Variants in JMJD1C observed in about 807,000 individuals in gnomAD.
JMJD1C encodes the protein jumonji domain containing 1C.
Under a neutral mutation model 245.3 loss-of-function variants are expected in JMJD1C, and 31 were observed. The observed-to-expected ratio is 0.13, with a 90% CI of 0.09 to 0.17. The LOEUF is 0.17. JMJD1C is among the 10% of genes least tolerant of loss of function. JMJD1C has a pLI of 1.00. For missense variants in JMJD1C, 2,691 were observed against 3,000.2 expected, an observed-to-expected ratio of 0.90 and a Z score of 2.41; for synonymous variants, 1,057 against 1,017.4, an observed-to-expected ratio of 1.04 and a Z score of -0.74.
chr10:63,427,356 C>A, intron 1 of JMJD1C: 1 of 1,036,244 alleles, frequency 9.7e-7, no homozygotes, highest in East Asian at 3.3e-5. Flanking sequence ...AAGTGTTCAC[C>A]GCCTTCTGGC....
intron 1 of JMJD1C, among the ~76,000 whole-genome samples, chr10:63,482,270 A>G (rs1308667493): frequency 6.6e-6 from 1 of 152,216 alleles, no homozygotes; most frequent in Non-Finnish European, 1.5e-5. Context: ...TCTAGAGACA[A>G]GTAAATAATC....
chr10:63,416,517 T>A (rs1452577226), intron 1 of JMJD1C, among the ~76,000 whole-genome samples: 2 of 152,168 alleles, frequency 1.3e-5, no homozygotes, highest in Non-Finnish European at 2.9e-5. Flanking sequence ...TACTAAAGCA[T>A]GAAAGGCCTG....
chr10:63,185,823 T>C (rs1424925515), intron 19 of JMJD1C, among the ~76,000 whole-genome samples, 170 bp from the exon 20 acceptor site: 1 of 152,262 alleles, frequency 6.6e-6, no homozygotes, highest in Non-Finnish European at 1.5e-5. Flanking sequence ...ATTAAAACCT[T>C]TGTTCCTTTT....
intron 3 of JMJD1C, among the ~76,000 whole-genome samples, chr10:63,254,416 T>G (rs1419731136): frequency 6.6e-6 from 1 of 152,132 alleles, no homozygotes; most frequent in Non-Finnish European, 1.5e-5. Flanking sequence ...AGGAAAGATA[T>G]TAACTATAAG....
intron 3 of JMJD1C, among the ~76,000 whole-genome samples, chr10:63,245,978 G>A (rs1465245839): frequency 2.0e-5 from 3 of 152,096 alleles, no homozygotes; most frequent in Non-Finnish European, 2.9e-5. Context: ...ACAGAATGAA[G>A]AGAGGAAAGA....
rs546287149 is a variant in JMJD1C at position 63,187,639 on chromosome 10, G to C, written c.6571-1256C>G. On this transcript the variant is annotated intron_variant, in intron 18 of 25. Transcript: ENST00000399262. ...TTTGGTAGAAACAGGGTCTCACTAT[G>C]TTGCCCAGGCTGGTCTCCAACTCCT... Among the ~76,000 whole-genome samples the C allele has an allele frequency of 5.3e-5, 8 of 152,240 alleles. No individual in the cohort carries two copies. The South Asian group carries it at 1.7e-3, about 32-fold the overall frequency.
At chr10:63,489,838 T>C (rs945568482) in intron 1 of JMJD1C, among the ~76,000 whole-genome samples, 2 of 152,022 alleles carry the variant, frequency 1.3e-5, no homozygotes, top group African/African-American at 4.8e-5. Context: ...ATACCAGGGG[T>C]CCCCATCCCC....
chr10:63,366,174 C>T (rs1248464544), intron 2 of JMJD1C, among the ~76,000 whole-genome samples: 1 of 152,150 alleles, frequency 6.6e-6, no homozygotes, highest in African/African-American at 2.4e-5. Context: ...CTGGAAGCAG[C>T]AGGAGACTAA....
intron 1 of JMJD1C, among the ~76,000 whole-genome samples, chr10:63,453,261 C>T (rs1186103255): frequency 6.6e-6 from 1 of 152,150 alleles, no homozygotes; most frequent in Non-Finnish European, 1.5e-5. Context: ...GGTGACAGAG[C>T]AAGACCCTGT....
At chr10:63,506,512 C>T (rs934124298) in intron 1 of JMJD1C, among the ~76,000 whole-genome samples, 8 of 152,164 alleles carry the variant, frequency 5.3e-5, no homozygotes, top group African/African-American at 1.9e-4. Flanking sequence ...TATATCCAGG[C>T]CATTTTCCTG....
At chr10:63,192,349 T>A (rs1238997262) in intron 16 of JMJD1C, among the ~76,000 whole-genome samples, 1 of 151,106 alleles carries the variant, frequency 6.6e-6, no homozygotes, top group Admixed American at 6.6e-5. Flanking sequence ...GCAGATGGAT[T>A]ACCCGAAGTC....
intron 1 of JMJD1C, among the ~76,000 whole-genome samples, chr10:63,415,559 T>G (rs1456357655): frequency 3.3e-5 from 5 of 152,202 alleles, no homozygotes; most frequent in African/African-American, 1.2e-4. Flanking sequence ...CTACTGATAC[T>G]GAACATGACC....
chr10:63,425,432 G>A (rs1469072640), intron 1 of JMJD1C, among the ~76,000 whole-genome samples: 1 of 151,724 alleles, frequency 6.6e-6, no homozygotes, highest in Non-Finnish European at 1.5e-5. Context: ...AACTGCTCCT[G>A]TGAATTCTCT....
intron 1 of JMJD1C, among the ~76,000 whole-genome samples, chr10:63,423,960 G>A (rs1456816947): frequency 6.6e-6 from 1 of 152,156 alleles, no homozygotes; most frequent in Non-Finnish European, 1.5e-5. Flanking sequence ...TTCTATTCAA[G>A]CCCTTTTCCC....
At chr10:63,318,289 T>C (rs1260732451) in intron 2 of JMJD1C, among the ~76,000 whole-genome samples, 1 of 152,176 alleles carries the variant, frequency 6.6e-6, no homozygotes, top group Admixed American at 6.5e-5. Context: ...AGTGTTGGCA[T>C]TACATGTTGG....
intron 1 of JMJD1C, among the ~76,000 whole-genome samples, chr10:63,452,448 G>A (rs1952128825): frequency 6.6e-6 from 1 of 152,166 alleles, no homozygotes; most frequent in Admixed American, 6.5e-5. Flanking sequence ...GTGTTGACTA[G>A]GATGTAGAGA....
chr10:63,278,336 A>C (rs954597956), intron 2 of JMJD1C, among the ~76,000 whole-genome samples: 1 of 122,188 alleles, frequency 8.2e-6, no homozygotes, highest in South Asian at 3.0e-4. Flanking sequence ...AAATACAACA[A>C]TTAAAAGAGA....
At chr10:63,206,473 G>T in intron 10 of JMJD1C, 122 bp downstream of exon 10, 1 of 676,472 alleles carries the variant, frequency 1.5e-6, no homozygotes, top group Non-Finnish European at 2.4e-6. Context: ...TATACATAAA[G>T]CTAAGGCACG....
At chr10:63,233,339 T>G (rs1461581359) in intron 3 of JMJD1C, among the ~76,000 whole-genome samples, 1 of 152,018 alleles carries the variant, frequency 6.6e-6, no homozygotes, top group Non-Finnish European at 1.5e-5. Context: ...GATAAAAGAG[T>G]ATAGTCATTT....
Sources: gnomAD v4.1 joint callset for allele counts (sites outside exome capture counted in the v4.1 genomes callset) on GRCh38, gnomAD v4.1.1 for gene constraint, MANE v1.5 for transcripts, NCBI Gene and HGNC (gene_info 2026-07-23, HGNC 2026-07-21) for gene names.